NPSR1: variants seen among roughly 807,000 people sequenced by gnomAD.
NPSR1 encodes neuropeptide S receptor 1.
Under a neutral mutation model 46.9 loss-of-function variants are expected in NPSR1, and 48 were observed. That is an observed-to-expected ratio of 1.02 (90% CI 0.81 to 1.30). The LOEUF (loss-of-function observed/expected upper bound fraction) is 1.30. Ranked by LOEUF, NPSR1 falls within the 50% of genes most tolerant of loss-of-function variation. NPSR1 has a pLI of 0.00. For synonymous variants in NPSR1, 176 were observed against 168.1 expected (o/e 1.05, Z -0.36); for missense variants, 450 against 449.5 (o/e 1.00, Z -0.01).
At chr7:34,693,955 T>C (rs1163144674) in intron 2 of NPSR1, among the ~76,000 whole-genome samples, 1 of 152,148 alleles carries the variant, frequency 6.6e-6, no homozygotes, top group Non-Finnish European at 1.5e-5. Context: ...TCCAACATCT[T>C]TTGATAATAA....
chr7:34,788,059 C>T (rs1364414645), intron 3 of NPSR1, among the ~76,000 whole-genome samples: 1 of 151,748 alleles, frequency 6.6e-6, no homozygotes, highest in Non-Finnish European at 1.5e-5. Context: ...TAAATCATGA[C>T]AAAATGAGGT....
intron 2 of NPSR1, among the ~76,000 whole-genome samples, chr7:34,688,265 G>A (rs990627622): frequency 6.6e-6 from 1 of 152,132 alleles, no homozygotes; most frequent in African/African-American, 2.4e-5. Flanking sequence ...AATTTTCCAT[G>A]CACAACGTTC....
intron 6 of NPSR1, among the ~76,000 whole-genome samples, chr7:34,835,952 G>A (rs556572474): frequency 1.3e-5 from 2 of 152,280 alleles, no homozygotes; most frequent in South Asian, 4.1e-4. Context: ...AGCTCTTCAG[G>A]CATTTTTAAT....
intron 5 of NPSR1, among the ~76,000 whole-genome samples, chr7:34,831,460 A>G (rs1790115671): frequency 6.6e-6 from 1 of 152,030 alleles, no homozygotes; most frequent in Non-Finnish European, 1.5e-5. Context: ...GAAAGGGAGA[A>G]AAGAAAGGAG....
intron 8 of NPSR1, among the ~76,000 whole-genome samples, chr7:34,867,465 G>T (rs1413020426): frequency 1.3e-5 from 2 of 151,908 alleles, no homozygotes; most frequent in African/African-American, 4.9e-5. Flanking sequence ...GAAGGGAACA[G>T]GCAATTGGCC....
At chr7:34,789,715 C>A (rs923033072) in intron 3 of NPSR1, among the ~76,000 whole-genome samples, 1 of 133,276 alleles carries the variant, frequency 7.5e-6, no homozygotes, top group East Asian at 2.2e-4. Flanking sequence ...ATTGCTTGAA[C>A]CCAGGAGGCA....
intron 2 of NPSR1, among the ~76,000 whole-genome samples, chr7:34,714,346 G>A (rs1036120361): frequency 5.3e-5 from 8 of 152,196 alleles, no homozygotes; most frequent in Non-Finnish European, 7.3e-5. Flanking sequence ...ACAAGGGTGC[G>A]AATAATATGA....
At chr7:34,663,764 C>T (rs1326519881) in intron 1 of NPSR1, among the ~76,000 whole-genome samples, 1 of 152,192 alleles carries the variant, frequency 6.6e-6, no homozygotes, top group African/African-American at 2.4e-5. Context: ...ATTTATTATT[C>T]CAGGCTCTCT....
intron 2 of NPSR1, among the ~76,000 whole-genome samples, chr7:34,734,303 T>C (rs928457280): frequency 3.9e-5 from 6 of 152,310 alleles, no homozygotes; most frequent in Non-Finnish European, 4.4e-5. Flanking sequence ...ATAGTTGTGA[T>C]GCAAGGTAAG....
chr7:34,827,145 A>G (rs1475269917), intron 4 of NPSR1, among the ~76,000 whole-genome samples: 2 of 152,238 alleles, frequency 1.3e-5, no homozygotes, highest in East Asian at 3.9e-4. Context: ...TCAGATGGGT[A>G]AATCAGGAAA....
chr7:34,665,131 A>G (rs1300716665), intron 1 of NPSR1, among the ~76,000 whole-genome samples: 2 of 152,244 alleles, frequency 1.3e-5, no homozygotes, highest in Non-Finnish European at 2.9e-5. Context: ...TAAGAAAGAA[A>G]AGAAAGAGAA....
chr7:34,785,035 T>A (rs1453047622), intron 3 of NPSR1, among the ~76,000 whole-genome samples: 19 of 151,902 alleles, frequency 1.3e-4, no homozygotes, highest in Non-Finnish European at 2.6e-4. Flanking sequence ...TACTGGGTAT[T>A]TACCCAAAGG....
intron 2 of NPSR1, among the ~76,000 whole-genome samples, chr7:34,765,218 A>G (rs563379146): frequency 6.6e-6 from 1 of 152,306 alleles, no homozygotes; most frequent in South Asian, 2.1e-4. Flanking sequence ...AATATTTGAT[A>G]TACTCTACAC....
chr7:34,779,801 A>C (rs1372948509), intron 3 of NPSR1: 1 of 255,836 alleles, frequency 3.9e-6, no homozygotes, highest in African/African-American at 2.2e-5. Context: ...ATTATGACAA[A>C]ACATGGTGGC....
At chr7:34,676,276 T>A (rs1407252954) in intron 1 of NPSR1, among the ~76,000 whole-genome samples, 1 of 152,180 alleles carries the variant, frequency 6.6e-6, no homozygotes, top group African/African-American at 2.4e-5. Flanking sequence ...ATCACAACTA[T>A]CCTGAGATAG....
chr7:34,850,601 C>A (rs1393058324), downstream of NPSR1, among the ~76,000 whole-genome samples: 1 of 152,056 alleles, frequency 6.6e-6, no homozygotes, highest in South Asian at 2.1e-4. Context: ...GGAGTTTCAC[C>A]GTGTTAGCCA....
chr7:34,866,956 C>T (rs1684806455), intron 8 of NPSR1, among the ~76,000 whole-genome samples: 1 of 151,688 alleles, frequency 6.6e-6, no homozygotes, highest in African/African-American at 2.4e-5. Context: ...TTCTCTTCTT[C>T]TGGGGATGGG....
intron 8 of NPSR1, among the ~76,000 whole-genome samples, chr7:34,876,580 T>C (rs1399172942): frequency 6.6e-6 from 1 of 152,164 alleles, no homozygotes; most frequent in African/African-American, 2.4e-5. Context: ...ATATTAGAGG[T>C]TGGTGCAAAA....
rs966226347 is a variant in NPSR1, at chr7:34,848,353, T to A, written c.845-130T>A. The stretch of plus-strand genomic sequence containing the variant: ...TATGACATCAATGCTCCAAACAACA[T>A]CAAACTCCAATATTTCTGAGAAATT... On this transcript the variant is annotated intron_variant, in intron 7 of 8. Coordinates refer to ENST00000360581, the MANE Select transcript of NPSR1 (RefSeq NM_207172.2). The A allele has an allele frequency of 2.9e-5, 22 of 748,904 alleles. No homozygotes were observed. In the African/African-American group the frequency reaches 3.7e-4, roughly 13 times the overall value. 46.4% of individuals were successfully genotyped at this position (748,904 alleles called of 1,614,324 possible). A position where few individuals can be genotyped will look rare whatever the true frequency, so the allele number is the denominator to read the frequency against.
Sources: allele counts gnomAD v4.1 joint callset (sites outside exome capture counted in the v4.1 genomes callset), GRCh38; gene constraint gnomAD v4.1.1; transcripts MANE v1.5; gene names NCBI Gene and HGNC (gene_info 2026-07-23, HGNC 2026-07-21).